Variants in RPS6KA2 observed in about 807,000 individuals in gnomAD.
RPS6KA2 encodes ribosomal protein S6 kinase A2.
RPS6KA2 carries 42 observed loss-of-function variants against 91.8 expected under a neutral mutation model. That is an observed-to-expected ratio of 0.46 (90% CI 0.36 to 0.59). The LOEUF is 0.59. RPS6KA2 is among the 20% of genes least tolerant of loss of function. The pLI, the probability that RPS6KA2 is intolerant of heterozygous loss-of-function variation, is 0.00. For missense variants in RPS6KA2, 798 were observed against 978.5 expected (o/e 0.82, Z 2.46); for synonymous variants, 414 against 393.6 (o/e 1.05, Z -0.61).
intron 1 of RPS6KA2, among the ~76,000 whole-genome samples, chr6:166,560,667 C>T (rs1272429927): frequency 6.6e-6 from 1 of 151,302 alleles, no homozygotes; most frequent in Non-Finnish European, 1.5e-5. Flanking sequence ...CAAGGCCCCG[C>T]TTGGTGGGAG....
chr6:166,834,587 T>C (rs1396102745), intron 2 of RPS6KA2, among the ~76,000 whole-genome samples: 1 of 152,234 alleles, frequency 6.6e-6, no homozygotes, highest in Non-Finnish European at 1.5e-5. Flanking sequence ...ATAACAAACC[T>C]GCACGTGCAG....
chr6:166,679,543 T>C (rs1346963457), intron 2 of RPS6KA2, among the ~76,000 whole-genome samples: 3 of 152,218 alleles, frequency 2.0e-5, no homozygotes, highest in Non-Finnish European at 4.4e-5. Flanking sequence ...TGAAGGATAA[T>C]GTGTAGGACA....
intron 1 of RPS6KA2, among the ~76,000 whole-genome samples, chr6:166,550,798 C>G (rs185615762): frequency 0.013 from 1,953 of 152,030 alleles, 15 homozygotes; most frequent in Non-Finnish European, 0.017. Flanking sequence ...GTCAGGAGAT[C>G]GACACCATCC....
chr6:166,484,886 G>C (rs138792704), intron 10 of RPS6KA2, among the ~76,000 whole-genome samples: 4 of 152,220 alleles, frequency 2.6e-5, no homozygotes, highest in South Asian at 2.1e-4. Flanking sequence ...AGTGAATTTC[G>C]TAAGTTTCTT....
chr6:166,458,372 C>T (rs2128459346), intron 12 of RPS6KA2, among the ~76,000 whole-genome samples: 1 of 152,314 alleles, frequency 6.6e-6, no homozygotes, highest in South Asian at 2.1e-4. Context: ...TTGTTGCCAT[C>T]CACGTAAGAT....
intron 3 of RPS6KA2, among the ~76,000 whole-genome samples, chr6:166,519,356 T>G (rs1782768895): frequency 6.6e-6 from 1 of 152,190 alleles, no homozygotes; most frequent in Admixed American, 6.5e-5. Context: ...ACTATAGATG[T>G]GAAAAGAATA....
At chr6:166,644,528 T>C (rs758087232) in intron 2 of RPS6KA2, among the ~76,000 whole-genome samples, 5 of 152,208 alleles carry the variant, frequency 3.3e-5, no homozygotes, top group Non-Finnish European at 7.3e-5. Flanking sequence ...CTGCTTTAGC[T>C]AAACCTCCCG....
intron 1 of RPS6KA2, among the ~76,000 whole-genome samples, chr6:166,604,466 C>T (rs1218142811): frequency 6.6e-6 from 1 of 152,154 alleles, no homozygotes; most frequent in Non-Finnish European, 1.5e-5. Flanking sequence ...TGCGTGCTTC[C>T]CCGCTGGGGT....
chr6:166,840,408 G>A (rs1351944820), intron 2 of RPS6KA2, among the ~76,000 whole-genome samples: 3 of 152,180 alleles, frequency 2.0e-5, no homozygotes, highest in Admixed American at 6.5e-5. Flanking sequence ...GACCCTCTGT[G>A]GCTGAAAAAC....
intron 16 of RPS6KA2, among the ~76,000 whole-genome samples, chr6:166,425,303 C>T (rs1778870442): frequency 6.6e-6 from 1 of 151,396 alleles, no homozygotes; most frequent in Non-Finnish European, 1.5e-5. Flanking sequence ...GAAGGAAGCA[C>T]TAAACATGGA....
At chr6:166,649,492 G>T (rs1329945652) in intron 2 of RPS6KA2, among the ~76,000 whole-genome samples, 1 of 152,152 alleles carries the variant, frequency 6.6e-6, no homozygotes, top group African/African-American at 2.4e-5. Flanking sequence ...TGGTGCTGAG[G>T]GAATCCTCCT....
chr6:166,755,973 T>C (rs1777997174), intron 2 of RPS6KA2, among the ~76,000 whole-genome samples: 1 of 152,168 alleles, frequency 6.6e-6, no homozygotes, highest in Non-Finnish European at 1.5e-5. Context: ...TTCATTCACA[T>C]TATATAATTA....
Position 166,817,021 on chromosome 6 carries a change from A to C in RPS6KA2, c.123+41179T>G, listed in dbSNP as rs190156105. On this transcript the variant is annotated intron_variant, in intron 2 of 21. Transcript: ENST00000503859. ...CTCAGATGATGCTGTGGTCACCTCA[A>C]ACCATGATTCAAATAAGGCAGATTT... 2.9e-4 allele frequency among the ~76,000 whole-genome samples: 44 copies of C among 152,276 alleles called. 1 individual carries two copies. In the East Asian group the frequency reaches 6.8e-3, roughly 23 times the overall value.
intron 1 of RPS6KA2, among the ~76,000 whole-genome samples, chr6:166,568,655 A>AAAAAAAAAAAAAAAAC (rs1784582509): frequency 1.0e-5 from 1 of 97,092 alleles, no homozygotes; most frequent in Non-Finnish European, 2.1e-5. Flanking sequence ...AAAAAAAAAA[A>AAAAAAAAAAAAAAAAC]AAAAAAGCAA....
Position 166,825,567 on chromosome 6 carries a change from T to A in RPS6KA2, c.123+32633A>T, listed in dbSNP as rs1099655. ...CTACTTACCCTAGACTGGGTGGCTTTTAAACAACAGAAATGTAGTGGTCCC... is the reference window on the plus strand; with the variant it reads ...CTACTTACCCTAGACTGGGTGGCTTATAAACAACAGAAATGTAGTGGTCCC... On this transcript the variant is annotated intron_variant, in intron 2 of 21. Coordinates refer to the RPS6KA2 transcript ENST00000503859. The surrounding 1 kb of genome is among the most constrained non-coding windows in gnomAD (Gnocchi z 4.1). 5.5e-4 allele frequency among the ~76,000 whole-genome samples: 84 copies of A among 152,128 alleles called. No homozygotes were observed. The highest frequency in any genetic ancestry group is 1.8e-3 in the African/African-American group (76 of 41,464).
chr6:166,812,596 G>A (rs114231057), intron 2 of RPS6KA2, among the ~76,000 whole-genome samples: 6,155 of 152,168 alleles, frequency 0.04, 461 homozygotes, highest in African/African-American at 0.14. Flanking sequence ...TGTGTTGGGC[G>A]CGTGGCCTCC....
intron 2 of RPS6KA2, among the ~76,000 whole-genome samples, chr6:166,761,130 C>A (rs1485220356): frequency 6.6e-6 from 1 of 152,186 alleles, no homozygotes; most frequent in Non-Finnish European, 1.5e-5. Flanking sequence ...GTGGTGCGAT[C>A]TCGGCTCACT....
intron 6 of RPS6KA2, 24 bp downstream of exon 6, chr6:166,504,482 C>G (rs906746255): frequency 3.5e-6 from 5 of 1,440,614 alleles, no homozygotes; most frequent in Non-Finnish European, 3.9e-6. Context: ...GTGGGGAAGT[C>G]AGCCCTAGTT....
chr6:166,518,682 C>T (rs1782745625), intron 3 of RPS6KA2, among the ~76,000 whole-genome samples: 1 of 152,128 alleles, frequency 6.6e-6, no homozygotes, highest in Non-Finnish European at 1.5e-5. Context: ...TGGCAGAAAA[C>T]AGGAAAAGGA....
Sources: gnomAD v4.1 joint callset for allele counts (sites outside exome capture counted in the v4.1 genomes callset) on GRCh38, gnomAD v4.1.1 for gene constraint, Gnocchi (gnomAD v3.1) non-coding constraint, MANE v1.5 for transcripts, NCBI Gene and HGNC (gene_info 2026-07-23, HGNC 2026-07-21) for gene names.